The following CNTNAP5 variants were observed in gnomAD, a reference collection of about 807,000 sequenced individuals.
CNTNAP5 encodes the protein contactin-associated protein-like 5.
CNTNAP5 carries 72 observed loss-of-function variants against 150.2 expected under a neutral mutation model. The observed-to-expected ratio is 0.48, with a 90% CI of 0.40 to 0.58. The LOEUF is 0.58. Among genes scored for constraint, CNTNAP5 ranks in the 20% least tolerant of loss-of-function variants. The probability of loss-of-function intolerance (pLI) is 0.00; values close to 1 mark genes in which losing one functional copy is unlikely to be tolerated. For synonymous variants in CNTNAP5, 672 were observed against 619.8 expected (o/e 1.08, Z -1.25); for missense variants, 1,636 against 1,626.2 (o/e 1.01, Z -0.10).
chr2:124,850,597 A>G (rs986582984), intron 19 of CNTNAP5, among the ~76,000 whole-genome samples: 1 of 152,236 alleles, frequency 6.6e-6, no homozygotes, highest in African/African-American at 2.4e-5. Context: ...ACAGTTGCCC[A>G]GGAGACAAAA....
At chr2:124,879,128 C>A (rs1172079136) in intron 21 of CNTNAP5, among the ~76,000 whole-genome samples, 1 of 152,050 alleles carries the variant, frequency 6.6e-6, no homozygotes, top group African/African-American at 2.4e-5. Flanking sequence ...AGCTTAAAAT[C>A]ATCAAATCCA....
intron 21 of CNTNAP5, among the ~76,000 whole-genome samples, chr2:124,873,884 G>A (rs905367148): frequency 2.1e-4 from 32 of 152,098 alleles, no homozygotes; most frequent in African/African-American, 6.7e-4. Flanking sequence ...ACCATCAATA[G>A]CATTTCATTG....
At chr2:124,273,536 C>T (rs1226160529) in intron 3 of CNTNAP5, among the ~76,000 whole-genome samples, 1 of 152,164 alleles carries the variant, frequency 6.6e-6, no homozygotes, top group Admixed American at 6.6e-5. Context: ...AGAATCCCTA[C>T]AATTTCCATT....
intron 23 of CNTNAP5, among the ~76,000 whole-genome samples, chr2:124,912,764 C>T (rs1678682554): frequency 6.6e-6 from 1 of 152,038 alleles, no homozygotes; most frequent in African/African-American, 2.4e-5. Context: ...TCTTTAAGGA[C>T]AGGGAAGTCA....
At chr2:124,445,302 T>C (rs911228504) in intron 5 of CNTNAP5, among the ~76,000 whole-genome samples, 4 of 151,944 alleles carry the variant, frequency 2.6e-5, no homozygotes, top group African/African-American at 9.7e-5. Flanking sequence ...TTCACCACAC[T>C]GGCCAGCCTG....
At chr2:124,134,311 G>T (rs1370103270) in intron 1 of CNTNAP5, among the ~76,000 whole-genome samples, 1 of 151,654 alleles carries the variant, frequency 6.6e-6, no homozygotes, top group Non-Finnish European at 1.5e-5. Context: ...GGGAAATAGG[G>T]CTGACACAAT....
intron 1 of CNTNAP5, among the ~76,000 whole-genome samples, chr2:124,030,540 C>T (rs1186906217): frequency 6.6e-6 from 1 of 152,052 alleles, no homozygotes; most frequent in Non-Finnish European, 1.5e-5. Flanking sequence ...TGTGTATATA[C>T]ATATCTGTGG....
chr2:124,068,738 T>G (rs1213949), intron 1 of CNTNAP5, among the ~76,000 whole-genome samples: 148,469 of 151,392 alleles, frequency 0.98, 72,869 homozygotes, highest in South Asian at 1. Context: ...AAGTAAGGAG[T>G]ACTTTGTCTT....
intron 21 of CNTNAP5, among the ~76,000 whole-genome samples, chr2:124,897,571 A>G (rs1334423603): frequency 3.3e-5 from 5 of 151,706 alleles, no homozygotes; most frequent in Middle Eastern, 3.4e-3. Context: ...CATACACAGC[A>G]GACAGGTTGG....
rs545285876 is a variant in CNTNAP5 at position 124,458,705 on chromosome 2, T to A, written c.918+11768T>A. On this transcript the variant is annotated intron_variant, in intron 6 of 23. Coordinates refer to ENST00000682447, the MANE Select transcript of CNTNAP5 (RefSeq NM_001367498.1). The stretch of plus-strand genomic sequence containing the variant: ...TAAATAAATAAATAATGCTAAACAA[T>A]CATACTTTTATTAATAAGTTAAAAG... Among the ~76,000 whole-genome samples, 19 of 152,070 alleles carry A rather than the reference T, an allele frequency of 1.2e-4. No individual in the cohort carries two copies. The East Asian group carries it at 3.5e-3, about 28-fold the overall frequency.
rs200688462 is a variant in CNTNAP5 at position 124,914,150 on chromosome 2, C to T, written c.3786C>T (p.Phe1262=). ...IFCIIGIMTR[F]LYQHKQSHRT... Reference sequence around the variant, plus strand: ...GTATCATCGGCATCATGACCCGGTTCCTCTACCAGCACAAGCAGTCACATC... The same window carrying T: ...GTATCATCGGCATCATGACCCGGTTTCTCTACCAGCACAAGCAGTCACATC... Residue 1262 remains phenylalanine, a synonymous_variant, in exon 24 of 24, where the codon TTC becomes TTT. Transcript: ENST00000682447. 3.7e-4 allele frequency: 596 copies of T among 1,612,436 alleles called. 9 individuals carry two copies. Among genetic ancestry groups the T allele is most frequent in the Admixed American group, 2.0e-4 (12 of 59,896 alleles).
chr2:124,747,788 C>CTTTTTTTTT (rs34959025), intron 14 of CNTNAP5, among the ~76,000 whole-genome samples: 8 of 42,470 alleles, frequency 1.9e-4, no homozygotes, highest in Non-Finnish European at 3.6e-4. Flanking sequence ...CCTAACTCTT[C>CTTTTTTTTT]TTTTTTTTTT....
chr2:124,763,943 G>A, intron 15 of CNTNAP5, 34 bp from the exon 16 acceptor site: 1 of 1,605,734 alleles, frequency 6.2e-7, no homozygotes, highest in East Asian at 2.2e-5. Flanking sequence ...CACTGAAAAC[G>A]ATAAACCATG....
chr2:124,663,949 T>C (rs1225379936), intron 13 of CNTNAP5, among the ~76,000 whole-genome samples: 3 of 152,114 alleles, frequency 2.0e-5, no homozygotes, highest in Non-Finnish European at 4.4e-5. Context: ...GTGGTAAAAT[T>C]GAAATACAAA....
At chr2:124,216,361 T>C (rs7572002) in intron 1 of CNTNAP5, among the ~76,000 whole-genome samples, 2,115 of 151,530 alleles carry the variant, frequency 0.014, 57 homozygotes, top group African/African-American at 0.049. Context: ...TGCATCAGAG[T>C]TTTTTTTTAA....
chr2:124,889,422 A>G (rs1468189447), intron 21 of CNTNAP5, among the ~76,000 whole-genome samples: 1 of 151,922 alleles, frequency 6.6e-6, no homozygotes, highest in Non-Finnish European at 1.5e-5. Flanking sequence ...CCTTGAGTTA[A>G]TTTTTGTATA....
intron 13 of CNTNAP5, among the ~76,000 whole-genome samples, chr2:124,702,048 A>G (rs1679532507): frequency 6.6e-6 from 1 of 152,010 alleles, no homozygotes; most frequent in Non-Finnish European, 1.5e-5. Context: ...CTTATCAGAT[A>G]TCTATTTTTA....
At chr2:124,636,448 C>CT (rs1048687790) in intron 12 of CNTNAP5, among the ~76,000 whole-genome samples, 10 of 152,022 alleles carry the variant, frequency 6.6e-5, no homozygotes, top group Non-Finnish European at 1.5e-4. Context: ...TGACTAGTAA[C>CT]TTTTTTTGTG....
chr2:124,896,537 C>CT (rs140118475), intron 21 of CNTNAP5, among the ~76,000 whole-genome samples: 4,636 of 146,632 alleles, frequency 0.032, 394 homozygotes, highest in African/African-American at 0.11. Flanking sequence ...TATGGAAGTT[C>CT]TTTTTTTTTT....
Sources: gnomAD v4.1 joint callset for allele counts (sites outside exome capture counted in the v4.1 genomes callset) on GRCh38, gnomAD v4.1.1 for gene constraint, MANE v1.5 for transcripts, NCBI Gene and HGNC (gene_info 2026-07-23, HGNC 2026-07-21) for gene names.